Variants in KIF26B observed in about 807,000 individuals in gnomAD.
The protein encoded by KIF26B is kinesin family member 26B.
Under a neutral mutation model 151.2 loss-of-function variants are expected in KIF26B, and 63 were observed. The ratio of observed to expected loss-of-function variants is 0.42; its 90% CI spans 0.34 to 0.51. The LOEUF (loss-of-function observed/expected upper bound fraction) is 0.51, where lower values mean the gene tolerates loss of function less well. KIF26B is among the 20% of genes least tolerant of loss of function. The pLI, the probability that KIF26B is intolerant of heterozygous loss-of-function variation, is 0.07. For synonymous variants in KIF26B, 1,357 were observed against 1,262.1 expected (o/e 1.08, Z -1.59); for missense variants, 2,813 against 2,913.6 (o/e 0.97, Z 0.79).
Position 245,532,306 on chromosome 1 carries a change from C to T in KIF26B, c.1167-8461C>T, listed in dbSNP as rs375553010. On this transcript the variant is annotated intron_variant, in intron 4 of 14. Transcript: ENST00000407071. ...TGTCGCCCAGGCTGGAGTGCAGTGGCGCGATCTCGGCTCACTGCAAGCTCT... is the reference window on the plus strand; with the variant it reads ...TGTCGCCCAGGCTGGAGTGCAGTGGTGCGATCTCGGCTCACTGCAAGCTCT... Among the ~76,000 whole-genome samples, 126 of 139,690 alleles carry T rather than the reference C, an allele frequency of 9.0e-4. No homozygotes were observed. The East Asian group carries it at 9.8e-3, about 11-fold the overall frequency. The allele number at this position is 139,690 out of a possible 152,430, so 91.6% of individuals were successfully genotyped here.
At chr1:245,384,590 C>T (rs1673497004) in intron 3 of KIF26B, among the ~76,000 whole-genome samples, 2 of 152,142 alleles carry the variant, frequency 1.3e-5, no homozygotes, top group Admixed American at 1.3e-4. Context: ...CTGGCCCATT[C>T]TCATTTTAAA....
Position 245,706,089 on chromosome 1 carries a change from TAGAC to T in KIF26B, c.*3486_*3489del, listed in dbSNP as rs377337306. ...AGCCAGGCATCGCAGCGTGGGGAAT[TAGAC>T]AGGCAGGAATCTGGCCTGGTTTGTC... On this transcript the variant is annotated 3_prime_UTR_variant, in exon 15 of 15. Transcript: ENST00000407071. 1 of 152,176 alleles carries T rather than the reference TAGAC, an allele frequency of 6.6e-6. No individual in the cohort carries two copies. The highest frequency in any genetic ancestry group is 1.5e-5 in the Non-Finnish European group (1 of 68,030). 9.4% of individuals were successfully genotyped at this position (152,176 alleles called of 1,614,324 possible).
chr1:245,662,551 G>GAT lies in KIF26B; in HGVS notation c.2258+16281_2258+16282dup, dbSNP rs1269199521. ...CCCCCAATATATATACACACCCAAT[G>GAT]ATATATATATACACACACCCTATAT... On this transcript the variant is annotated intron_variant, in intron 10 of 14. Coordinates refer to ENST00000407071, the MANE Select transcript of KIF26B (RefSeq NM_018012.4). Among the ~76,000 whole-genome samples the GAT allele has an allele frequency of 4.5e-3, 350 of 77,130 alleles. 11 individuals are homozygous for GAT. Among genetic ancestry groups the GAT allele is most frequent in the African/African-American group, 0.015 (316 of 20,592 alleles). 50.6% of individuals were successfully genotyped at this position (77,130 alleles called of 152,430 possible).
At chr1:245,541,183 C>T (rs774039354) in intron 5 of KIF26B, among the ~76,000 whole-genome samples, 6 of 152,180 alleles carry the variant, frequency 3.9e-5, no homozygotes, top group Admixed American at 6.6e-5. Flanking sequence ...TGGGAAAAAT[C>T]AGCTTTGCAT....
intron 2 of KIF26B, among the ~76,000 whole-genome samples, chr1:245,264,271 AT>A (rs1670701205): frequency 6.6e-6 from 1 of 152,246 alleles, no homozygotes; most frequent in East Asian, 1.9e-4. Flanking sequence ...CGTCTCTTCT[AT>A]TTTTTTCCTT....
At chr1:245,637,883 G>A (rs952836143) in intron 9 of KIF26B, among the ~76,000 whole-genome samples, 4 of 151,694 alleles carry the variant, frequency 2.6e-5, no homozygotes, top group African/African-American at 7.3e-5. Context: ...TTATGCCAGT[G>A]GTATACTCTT....
At chr1:245,296,096 G>A (rs1226070821) in intron 2 of KIF26B, among the ~76,000 whole-genome samples, 1 of 152,030 alleles carries the variant, frequency 6.6e-6, no homozygotes, top group Non-Finnish European at 1.5e-5. Flanking sequence ...AGAGTTTATT[G>A]AATTGGGTTG....
chr1:245,303,861 G>A (rs1239881981), intron 2 of KIF26B, among the ~76,000 whole-genome samples: 1 of 152,212 alleles, frequency 6.6e-6, no homozygotes, highest in Non-Finnish European at 1.5e-5. Context: ...AAGTGACATC[G>A]TCTTTGGCTG....
At position 245,239,017 on chromosome 1, in the gene KIF26B, A is replaced by G. The variant is rs1391661137; in HGVS notation, c.465+82334A>G. On this transcript the variant is annotated intron_variant, in intron 2 of 14. Transcript: ENST00000407071. The surrounding 1 kb of genome is among the most constrained non-coding windows in gnomAD (Gnocchi z 4.3). ...ACTTTGAGGAGCTCTTGATATGGAGACGTGGTTTCTTACGTCTAATTTCGT... is the reference window on the plus strand; with the variant it reads ...ACTTTGAGGAGCTCTTGATATGGAGGCGTGGTTTCTTACGTCTAATTTCGT... 6.6e-6 allele frequency among the ~76,000 whole-genome samples: 1 copy of G among 152,056 alleles called. No homozygotes were observed. Among genetic ancestry groups the G allele is most frequent in the African/African-American group, 2.4e-5 (1 of 41,396 alleles).
intron 5 of KIF26B, among the ~76,000 whole-genome samples, chr1:245,574,702 CGTT>C (rs753943042): frequency 3.3e-5 from 5 of 152,154 alleles, no homozygotes; most frequent in East Asian, 1.9e-4. Context: ...CACTGCCTAA[CGTT>C]GTGACTAACA....
At chr1:245,404,110 A>G (rs893707944) in intron 3 of KIF26B, among the ~76,000 whole-genome samples, 1 of 152,154 alleles carries the variant, frequency 6.6e-6, no homozygotes, top group Non-Finnish European at 1.5e-5. Context: ...TTGAGGGGAC[A>G]GTGAAGGAAG....
intron 9 of KIF26B, among the ~76,000 whole-genome samples, chr1:245,614,358 A>G (rs1371797137): frequency 1.3e-5 from 2 of 152,312 alleles, no homozygotes; most frequent in Non-Finnish European, 1.5e-5. Context: ...TACGTTAAGT[A>G]GAGACGGAGT....
intron 5 of KIF26B, among the ~76,000 whole-genome samples, chr1:245,580,696 T>C (rs2043167291): frequency 6.6e-6 from 1 of 152,106 alleles, no homozygotes. Context: ...CGGAGGAAAA[T>C]TGGCTCAGCA....
intron 3 of KIF26B, among the ~76,000 whole-genome samples, chr1:245,369,468 G>A (rs189871441): frequency 6.6e-6 from 1 of 152,242 alleles, no homozygotes. Flanking sequence ...ATTATCCTAA[G>A]ATATTAGCAT....
intron 3 of KIF26B, among the ~76,000 whole-genome samples, chr1:245,401,608 C>A (rs1362045834): frequency 1.3e-5 from 2 of 152,228 alleles, no homozygotes; most frequent in African/African-American, 4.8e-5. Flanking sequence ...GTGGCTCACG[C>A]CTGTAATCCC....
chr1:245,355,271 AGT>A (rs1445005741), intron 2 of KIF26B, among the ~76,000 whole-genome samples: 2 of 152,116 alleles, frequency 1.3e-5, no homozygotes, highest in Non-Finnish European at 2.9e-5. Context: ...TGCTCTGTAC[AGT>A]GTATGATGTC....
At chr1:245,177,516 C>G (rs983493457) in intron 2 of KIF26B, among the ~76,000 whole-genome samples, 3 of 152,090 alleles carry the variant, frequency 2.0e-5, no homozygotes, top group Non-Finnish European at 4.4e-5. Context: ...GCTGAGCAAG[C>G]CAGTGAAGCA....
In KIF26B at chr1:245,688,099, G is replaced by A. The variant is rs1454001800; in HGVS notation, c.5116G>A (p.Ala1706Thr). Reference sequence around the variant, plus strand: ...GGGCAAGGACGGCACCATGCCCCGCGCGGGGAGGAGCCTGGGCCGCAGCGC... The same window carrying A: ...GGGCAAGGACGGCACCATGCCCCGCACGGGGAGGAGCCTGGGCCGCAGCGC... ...HAGKDGTMPR[A>T]GRSLGRSAGT... Residue 1706 changes from alanine to threonine, a missense_variant, in exon 12 of 15, where the codon GCG becomes ACG. By Grantham distance (58) the Ala-to-Thr change is moderately conservative. This residue lies in a region of KIF26B where 2,060 missense variants were observed against 2,088.6 expected (regional missense o/e 0.99). Coordinates refer to ENST00000407071, the MANE Select transcript of KIF26B (RefSeq NM_018012.4). The A allele has an allele frequency of 3.9e-6, 6 of 1,554,226 alleles. No individual in the cohort carries two copies. The highest frequency in any genetic ancestry group is 5.2e-6 in the Non-Finnish European group (6 of 1,152,170).
chr1:245,599,212 G>A (rs539817045), intron 5 of KIF26B, among the ~76,000 whole-genome samples: 15 of 152,262 alleles, frequency 9.9e-5, no homozygotes, highest in African/African-American at 3.1e-4. Context: ...GTGGAGTGCC[G>A]GACTAAAGGA....
Sources: allele counts gnomAD v4.1 joint callset (sites outside exome capture counted in the v4.1 genomes callset), GRCh38; gene constraint gnomAD v4.1.1; regional missense constraint gnomAD v4.1.1; non-coding constraint Gnocchi (gnomAD v3.1); transcripts MANE v1.5; gene names NCBI Gene and HGNC (gene_info 2026-07-23, HGNC 2026-07-21).